Variants in PLEKHG4B observed in about 807,000 individuals in gnomAD.
The protein encoded by PLEKHG4B is pleckstrin homology domain-containing family G member 4B.
PLEKHG4B carries 111 observed loss-of-function variants against 121.3 expected under a neutral mutation model. That is an observed-to-expected ratio of 0.92 (90% CI 0.78 to 1.07). The LOEUF (loss-of-function observed/expected upper bound fraction) is 1.07, where lower values mean the gene tolerates loss of function less well. PLEKHG4B is among the 50% of genes least tolerant of loss of function. The pLI is 0.00. For synonymous variants in PLEKHG4B, 738 were observed against 725.0 expected (o/e 1.02, Z -0.29); for missense variants, 1,831 against 1,757.8 (o/e 1.04, Z -0.74).
At chr5:109,677 A>C (rs1428505548) in intron 1 of PLEKHG4B, among the ~76,000 whole-genome samples, 1 of 152,206 alleles carries the variant, frequency 6.6e-6, no homozygotes, top group Non-Finnish European at 1.5e-5. Context: ...GTTTCAATAA[A>C]ATTTTAAAGT....
At chr5:131,049 A>G (rs1003782743) in intron 2 of PLEKHG4B, among the ~76,000 whole-genome samples, 5 of 151,788 alleles carry the variant, frequency 3.3e-5, no homozygotes, top group Admixed American at 3.3e-4. Flanking sequence ...TATTCATGTC[A>G]TGTACATTAT....
Position 143,382 on chromosome 5 carries a change from AC to A in PLEKHG4B, c.1693del (p.Arg565GlufsTer28). The part of the protein sequence containing the change: ...LQSGVVTLPG[T>X]RDRHGRAVVQ... Reference sequence around the variant, plus strand: ...CTGCCCTGTCTCTGTCTCCGCAGGGACCCGAGACCGTCATGGCAGAGCAGTG... The same window carrying A: ...CTGCCCTGTCTCTGTCTCCGCAGGGACCGAGACCGTCATGGCAGAGCAGTG... On this transcript the variant is annotated frameshift_variant, in exon 5 of 20. Transcript: ENST00000637938. LOFTEE classifies it high-confidence loss of function. The A allele has an allele frequency of 6.2e-7, 1 of 1,612,280 alleles. No homozygotes were observed. The highest frequency in any genetic ancestry group is 8.5e-7 in the Non-Finnish European group (1 of 1,179,718).
intron 11 of PLEKHG4B, among the ~76,000 whole-genome samples, chr5:158,576 G>T (rs567163001): frequency 7.2e-6 from 1 of 139,766 alleles, no homozygotes; most frequent in East Asian, 2.2e-4. Flanking sequence ...CCCGTCCTGG[G>T]AGTCTCCTTC....
rs1172151011 is a variant in PLEKHG4B, at chr5:135,679, AAAAATATATATATATATATATATATAT to A, written c.244-3802_244-3776del. Reference sequence around the variant, plus strand: ...AGACTCCATCTCAAAAAAAAAAAAAAAAAATATATATATATATATATATATATATATATATATATATATATATATGTA... The same window carrying A: ...AGACTCCATCTCAAAAAAAAAAAAAAATATATATATATATATATATATGTA... On this transcript the variant is annotated intron_variant, in intron 2 of 19. Coordinates refer to ENST00000637938, the MANE Select transcript of PLEKHG4B (RefSeq NM_052909.5). Among the ~76,000 whole-genome samples, 56 of 57,152 alleles carry A rather than the reference AAAAATATATATATATATATATATATAT, an allele frequency of 9.8e-4. 1 individual carries two copies. The highest frequency in any genetic ancestry group is 2.7e-3 in the South Asian group (5 of 1,832). 37.5% of individuals were successfully genotyped at this position (57,152 alleles called of 152,430 possible). A position where few individuals can be genotyped will look rare whatever the true frequency, so the allele number is the denominator to read the frequency against.
At chr5:99,358 C>A (rs1339305073) in intron 1 of PLEKHG4B, among the ~76,000 whole-genome samples, 1 of 151,564 alleles carries the variant, frequency 6.6e-6, no homozygotes, top group Non-Finnish European at 1.5e-5. Flanking sequence ...ACATGTTAAG[C>A]CTCCCAATTC....
At position 139,835 on chromosome 5, in the gene PLEKHG4B, TC is replaced by T; in HGVS notation, c.597del (p.Phe200LeufsTer50). On this transcript the variant is annotated frameshift_variant, in exon 3 of 20. Transcript: ENST00000637938. LOFTEE classifies it high-confidence loss of function. The surrounding 1 kb of genome is among the most constrained non-coding windows in gnomAD (Gnocchi z 5.0). ...CCGTGGAGCGACGTCACTGACCCTG[TC>T]TTTGTCCCCAGCCCTGGAGCCATCC... ...RAPWSDVTDP[V>X]FVPSPGAILQ... 2.5e-6 allele frequency: 1 copy of T among 398,620 alleles called. No homozygotes were observed. Among genetic ancestry groups the T allele is most frequent in the East Asian group, 3.6e-5 (1 of 28,022 alleles). The allele number at this position is 398,620 out of a possible 1,614,324, so 24.7% of individuals were successfully genotyped here.
At position 161,955 on chromosome 5, in the gene PLEKHG4B, C is replaced by A. The variant is rs951612487; in HGVS notation, c.2649+11C>A. On this transcript the variant is annotated intron_variant, in intron 12 of 19. Coordinates refer to ENST00000637938, the MANE Select transcript of PLEKHG4B (RefSeq NM_052909.5). ...GAGTTGTGCGAGACGGTAAGAGACC[C>A]AGTGGGCGTGCGTCCCAGGGATCCC... is the stretch of plus-strand genomic sequence containing the variant. 6.2e-7 allele frequency: 1 copy of A among 1,600,630 alleles called. No homozygotes were observed. Among genetic ancestry groups the A allele is most frequent in the African/African-American group, 1.3e-5 (1 of 74,714 alleles).
chr5:167,602 G>C (rs984169725), intron 13 of PLEKHG4B, among the ~76,000 whole-genome samples: 1 of 152,186 alleles, frequency 6.6e-6, no homozygotes, highest in African/African-American at 2.4e-5. Context: ...TCCTTTGAAA[G>C]TGCAGTGGAT....
rs932772297 is a variant in PLEKHG4B, at chr5:173,095, C to G, written c.4221+28C>G. 5.6e-6 allele frequency: 9 copies of G among 1,602,490 alleles called. No individual in the cohort carries two copies. The Admixed American group carries it at 1.3e-4, about 24-fold the overall frequency. ...AGCACCCGCCCGGTCCGATTGGGTG[C>G]AGGCCGAGCCAGGCCCTCCAAGGGG... On this transcript the variant is annotated intron_variant, in intron 17 of 19. Coordinates refer to ENST00000637938, the MANE Select transcript of PLEKHG4B (RefSeq NM_052909.5).
rs1456607536 is a variant in PLEKHG4B at position 148,356 on chromosome 5, A to AT, written c.1906-3157_1906-3156insT. ...CCTAACAGTTCCACAAAAAAAAAAA[A>AT]ATAAATAAAAATAAGTTAATTCAGC... On this transcript the variant is annotated intron_variant, in intron 6 of 19. Transcript: ENST00000637938. Among the ~76,000 whole-genome samples the AT allele has an allele frequency of 6.3e-3, 937 of 149,410 alleles. 6 individuals are homozygous for AT. Among genetic ancestry groups the AT allele is most frequent in the Non-Finnish European group, 9.3e-3 (631 of 67,556 alleles).
At chr5:145,725 G>C (rs138489648) in intron 6 of PLEKHG4B, among the ~76,000 whole-genome samples, 2 of 152,168 alleles carry the variant, frequency 1.3e-5, no homozygotes, top group African/African-American at 4.8e-5. Flanking sequence ...GGAAGATGCT[G>C]CTGCCTGAGC....
intron 1 of PLEKHG4B, among the ~76,000 whole-genome samples, chr5:112,257 C>A (rs1319732234): frequency 2.0e-5 from 3 of 152,160 alleles, no homozygotes; most frequent in Non-Finnish European, 2.9e-5. Context: ...AGAAGCTGAG[C>A]TCTGCTGCAG....
rs1037146306 is a variant in PLEKHG4B, at chr5:185,770, G to A, written c.*3447G>A. The A allele has an allele frequency of 6.6e-6, 1 of 152,522 alleles. No homozygotes were observed. Among genetic ancestry groups the A allele is most frequent in the African/African-American group, 2.4e-5 (1 of 41,484 alleles). The allele number at this position is 152,522 out of a possible 1,614,324, so 9.4% of individuals were successfully genotyped here. ...GCCCAGGCCAGCAGGGCCAGCAGGA[G>A]TGACTGCGCCATCCTGAACACGTCC... is the stretch of plus-strand genomic sequence containing the variant. On this transcript the variant is annotated 3_prime_UTR_variant, in exon 20 of 20. Coordinates refer to ENST00000637938, the MANE Select transcript of PLEKHG4B (RefSeq NM_052909.5).
intron 2 of PLEKHG4B, among the ~76,000 whole-genome samples, chr5:125,325 C>T (rs530213676): frequency 1.3e-5 from 2 of 152,204 alleles, no homozygotes; most frequent in South Asian, 4.1e-4. Context: ...GTCTTAAATT[C>T]TTTCCTTGTT....
At chr5:105,798 A>G (rs138178250) in intron 1 of PLEKHG4B, among the ~76,000 whole-genome samples, 62 of 152,284 alleles carry the variant, frequency 4.1e-4, no homozygotes, top group African/African-American at 1.5e-3. Context: ...ATGGTTTTCA[A>G]GACGACGTAA....
Position 139,011 on chromosome 5 carries a change from C to T in PLEKHG4B, c.244-472C>T, listed in dbSNP as rs1735064849. Among the ~76,000 whole-genome samples the T allele has an allele frequency of 6.6e-6, 1 of 152,294 alleles. No individual in the cohort carries two copies. The highest frequency in any genetic ancestry group is 6.5e-5 in the Admixed American group (1 of 15,306). ...CACCCGCACCCCTCGCTAAGGAGGCCGAGGTAGCGCCTGCAGCAGCCGGGA... is the reference window on the plus strand; with the variant it reads ...CACCCGCACCCCTCGCTAAGGAGGCTGAGGTAGCGCCTGCAGCAGCCGGGA... On this transcript the variant is annotated intron_variant, in intron 2 of 19. Transcript: ENST00000637938. The surrounding 1 kb of genome is among the most constrained non-coding windows in gnomAD (Gnocchi z 5.0).
chr5:171,931 T>C (rs1267788965), intron 16 of PLEKHG4B, among the ~76,000 whole-genome samples: 1 of 152,212 alleles, frequency 6.6e-6, no homozygotes, highest in Non-Finnish European at 1.5e-5. Flanking sequence ...ATCAGGCCCC[T>C]CTGCGGGGGT....
intron 1 of PLEKHG4B, among the ~76,000 whole-genome samples, chr5:98,537 C>A (rs1300061820): frequency 7.3e-6 from 1 of 136,338 alleles, no homozygotes; most frequent in Admixed American, 8.2e-5. Context: ...CAGGTTCAAG[C>A]GATTCTCCTG....
In PLEKHG4B at chr5:92,307, G is replaced by T. The variant is rs562817859; in HGVS notation, c.45+31G>T. 190 of 69,028 alleles carry T rather than the reference G, an allele frequency of 2.8e-3. 4 individuals are homozygous for T. Among genetic ancestry groups the T allele is most frequent in the African/African-American group, 0.024 (170 of 7,018 alleles). 4.3% of individuals were successfully genotyped at this position (69,028 alleles called of 1,614,324 possible). On this transcript the variant is annotated intron_variant, in intron 1 of 19. Transcript: ENST00000637938. ...AGGGGGCACGGGGACTGCGGCGGGT[G>T]GGGGCGCGAGCGGACGCGGGAGTAG...
Sources: gnomAD v4.1 joint callset for allele counts (sites outside exome capture counted in the v4.1 genomes callset) on GRCh38, gnomAD v4.1.1 for gene constraint, Gnocchi (gnomAD v3.1) non-coding constraint, MANE v1.5 for transcripts, NCBI Gene and HGNC (gene_info 2026-07-23, HGNC 2026-07-21) for gene names.